Variants in IPO11 observed in about 807,000 individuals in gnomAD.
IPO11 encodes importin-11.
Under a neutral mutation model 143.2 loss-of-function variants are expected in IPO11, and 66 were observed. The ratio of observed to expected loss-of-function variants is 0.46; its 90% confidence interval spans 0.38 to 0.57. The LOEUF is 0.57. Among genes scored for constraint, IPO11 ranks in the 20% least tolerant of loss-of-function variants. The pLI, the probability that IPO11 is intolerant of heterozygous loss-of-function variation, is 0.00. For synonymous variants in IPO11, 385 were observed against 377.8 expected, an observed-to-expected ratio of 1.02 and a Z score of -0.22; for missense variants, 1,026 against 1,141.0, an observed-to-expected ratio of 0.90 and a Z score of 1.45.
chr5:62,480,044 GT>G (rs1206114584), intron 9 of IPO11, among the ~76,000 whole-genome samples: 1 of 152,084 alleles, frequency 6.6e-6, no homozygotes, highest in Admixed American at 6.6e-5. Flanking sequence ...TACTGCCTAG[GT>G]TTTCTTCTAG....
intron 24 of IPO11, among the ~76,000 whole-genome samples, chr5:62,540,691 TCC>T (rs1292609971): frequency 1.3e-5 from 2 of 152,256 alleles, no homozygotes; most frequent in African/African-American, 2.4e-5. Flanking sequence ...TTCCTCATTT[TCC>T]ATCTGTAACA....
chr5:62,452,724 GT>G (rs1183964425), intron 5 of IPO11, among the ~76,000 whole-genome samples: 118 of 8,518 alleles, frequency 0.014, 4 homozygotes, highest in South Asian at 0.057. Context: ...TTTTGGTGGG[GT>G]GTGTGTGTGT....
rs771718475 is a variant in IPO11 at position 62,483,083 on chromosome 5, T to G, written c.829-18T>G. On this transcript the variant is annotated intron_variant, in intron 9 of 29. Coordinates refer to ENST00000325324, the MANE Select transcript of IPO11 (RefSeq NM_016338.5). ...GGGGAAAATACATTTTAATTTTTAT[T>G]TATTTATTTTTCTACAGCTTTTGGA... 4.7e-5 allele frequency: 68 copies of G among 1,441,162 alleles called. No individual in the cohort carries two copies. The highest frequency in any genetic ancestry group is 6.3e-5 in the Non-Finnish European group (66 of 1,046,076). 89.3% of individuals were successfully genotyped at this position (1,441,162 alleles called of 1,614,324 possible).
chr5:62,572,537 ATTTG>A (rs552979595), intron 27 of IPO11, among the ~76,000 whole-genome samples: 4,247 of 101,822 alleles, frequency 0.042, 138 homozygotes, highest in African/African-American at 0.11. Context: ...GTATATGTAT[ATTTG>A]TTTGTTTATT....
chr5:62,548,294 A>G (rs528135051), intron 24 of IPO11, among the ~76,000 whole-genome samples: 2 of 152,250 alleles, frequency 1.3e-5, no homozygotes, highest in African/African-American at 4.8e-5. Context: ...GATGTCCAAT[A>G]TGTTCAGACA....
At chr5:62,443,944 C>G (rs1163256171) in intron 3 of IPO11, among the ~76,000 whole-genome samples, 3 of 152,084 alleles carry the variant, frequency 2.0e-5, no homozygotes, top group Admixed American at 2.0e-4. Flanking sequence ...CTATAGCTCT[C>G]TAAATTCTTA....
chr5:62,494,908 C>G (rs933017448), intron 16 of IPO11, among the ~76,000 whole-genome samples: 32 of 152,116 alleles, frequency 2.1e-4, no homozygotes, highest in Middle Eastern at 3.4e-3. Flanking sequence ...CAGTCTCCCT[C>G]CCTTTACCCC....
chr5:62,581,708 A>G (rs776627307), intron 27 of IPO11, among the ~76,000 whole-genome samples: 38 of 152,120 alleles, frequency 2.5e-4, no homozygotes, highest in East Asian at 1.9e-4. Flanking sequence ...GTTTTATACT[A>G]TATTGCTGCT....
intron 1 of IPO11, among the ~76,000 whole-genome samples, chr5:62,434,120 G>A (rs1035541111): frequency 6.6e-6 from 1 of 151,918 alleles, no homozygotes; most frequent in African/African-American, 2.4e-5. Flanking sequence ...AGTCATGTTG[G>A]CCTTCTTCAG....
At chr5:62,570,960 C>G (rs925850591) in intron 27 of IPO11, among the ~76,000 whole-genome samples, 1 of 152,074 alleles carries the variant, frequency 6.6e-6, no homozygotes, top group Non-Finnish European at 1.5e-5. Flanking sequence ...GGTATTGGGT[C>G]CAGAGCCTCA....
chr5:62,488,574 T>C (rs1454337894), intron 13 of IPO11, among the ~76,000 whole-genome samples: 4 of 152,184 alleles, frequency 2.6e-5, no homozygotes, highest in Non-Finnish European at 5.9e-5. Context: ...AGTGCATGTA[T>C]GTAAGGAGCC....
intron 27 of IPO11, among the ~76,000 whole-genome samples, 170 bp from the exon 28 acceptor site, chr5:62,591,407 T>C (rs918226574): frequency 6.6e-6 from 1 of 152,182 alleles, no homozygotes; most frequent in Non-Finnish European, 1.5e-5. Flanking sequence ...AATTTTGTGA[T>C]GTTATAGGCA....
intron 27 of IPO11, chr5:62,580,585 A>T: frequency 1.3e-6 from 2 of 1,551,462 alleles, no homozygotes; most frequent in Non-Finnish European, 1.7e-6. Context: ...TACTCTAAAC[A>T]TCTATTGTCA....
At chr5:62,552,334 C>A (rs904786720) in intron 26 of IPO11, among the ~76,000 whole-genome samples, 2 of 151,840 alleles carry the variant, frequency 1.3e-5, no homozygotes, top group Non-Finnish European at 2.9e-5. Context: ...TAAGGAAGTA[C>A]AAATTTTAAA....
intron 27 of IPO11, among the ~76,000 whole-genome samples, chr5:62,589,081 C>T (rs1179536818): frequency 6.6e-6 from 1 of 152,160 alleles, no homozygotes; most frequent in Non-Finnish European, 1.5e-5. Flanking sequence ...AGCCCTGCCT[C>T]TGTTATGATC....
At chr5:62,521,874 C>A (rs962328971) in intron 20 of IPO11, among the ~76,000 whole-genome samples, 3 of 151,554 alleles carry the variant, frequency 2.0e-5, no homozygotes, top group Admixed American at 2.0e-4. Flanking sequence ...CTGAATAATT[C>A]TTTTGTACAA....
intron 29 of IPO11, among the ~76,000 whole-genome samples, chr5:62,616,635 G>A (rs1426584676): frequency 4.1e-5 from 6 of 145,570 alleles, no homozygotes; most frequent in African/African-American, 1.6e-4. Flanking sequence ...CATGAGAATC[G>A]CTTGAACCTG....
At chr5:62,526,817 A>G (rs1484484700) in intron 21 of IPO11, 2 of 152,232 alleles carry the variant, frequency 1.3e-5, no homozygotes, top group African/African-American at 2.4e-5. Context: ...TATTAAGCTC[A>G]CTTTACTGTT....
chr5:62,483,315 T>C (rs1041364536), intron 10 of IPO11, 22 bp downstream of exon 10: 4 of 1,389,204 alleles, frequency 2.9e-6, no homozygotes, highest in Non-Finnish European at 4.0e-6. Context: ...ATTGGCAGTT[T>C]AAAAGAATTA....
Sources: gnomAD v4.1 joint callset for allele counts (sites outside exome capture counted in the v4.1 genomes callset) on GRCh38, gnomAD v4.1.1 for gene constraint, MANE v1.5 for transcripts, NCBI Gene and HGNC (gene_info 2026-07-23, HGNC 2026-07-21) for gene names.